ZNF503: variants seen among roughly 807,000 people sequenced by gnomAD.
ZNF503 encodes the protein zinc finger protein 503.
ZNF503 carries 15 observed loss-of-function variants against 34.4 expected under a neutral mutation model. The ratio of observed to expected loss-of-function variants is 0.44; its 90% CI spans 0.29 to 0.67. The LOEUF is 0.67. Among genes scored for constraint, ZNF503 ranks in the 30% least tolerant of loss-of-function variants. The probability of loss-of-function intolerance (pLI) is 0.13; values close to 1 mark genes in which losing one functional copy is unlikely to be tolerated. For synonymous variants in ZNF503, 580 were observed against 456.8 expected, an observed-to-expected ratio of 1.27 and a Z score of -3.44; for missense variants, 1,007 against 926.8, an observed-to-expected ratio of 1.09 and a Z score of -1.12.
Position 75,398,736 on chromosome 10 carries a change from C to T in ZNF503, c.*13G>A. 1 of 1,366,424 alleles carries T rather than the reference C, an allele frequency of 7.3e-7. No homozygotes were observed. The highest frequency in any genetic ancestry group is 2.8e-5 in the East Asian group (1 of 35,480). 84.6% of individuals were successfully genotyped at this position (1,366,424 alleles called of 1,614,324 possible). On this transcript the variant is annotated 3_prime_UTR_variant, in exon 2 of 2. Coordinates refer to ENST00000372524, the MANE Select transcript of ZNF503 (RefSeq NM_032772.6). ...CTCTCCCTCCTCTCCCTCGCTCGCC[C>T]TCCCGGCCGCCCTCACTGATACCCC...
At position 75,400,261 on chromosome 10, in the gene ZNF503, G is replaced by A. The variant is rs1315473731; in HGVS notation, c.429C>T (p.Gly143=). Residue 143 remains glycine, a synonymous_variant, in exon 2 of 2, where the codon GGC becomes GGT. Coordinates refer to ENST00000372524, the MANE Select transcript of ZNF503 (RefSeq NM_032772.6). ...CAGCACCGCCGCCGGCACCGCCCGC[G>A]CCGCCCCCGTTGGAGGCAACCGAGG... The part of the protein sequence containing the change: ...KLSSVASNGG[G]AGGAGGGAAG... 4 of 1,612,950 alleles carry A rather than the reference G, an allele frequency of 2.5e-6. No homozygotes were observed. Among genetic ancestry groups the A allele is most frequent in the East Asian group, 4.5e-5 (2 of 44,856 alleles).
Position 75,401,318 on chromosome 10 carries a change from G to A in ZNF503, c.102C>T (p.Ser34=), listed in dbSNP as rs528133474. The change falls in exon 1 of 2, where the codon AGC becomes AGT. Residue 34 remains serine, a synonymous_variant. Transcript: ENST00000372524. The stretch of plus-strand genomic sequence containing the variant: ...GGCCGGAGCTATTTCCAGAGAGCGC[G>A]CTGGTCCAGGCAGGGTCTGCACCGC... The part of the protein sequence containing the change: ...GGGGADPAWT[S]ALSGNSSGPG... 7.8e-6 allele frequency: 12 copies of A among 1,545,558 alleles called. No homozygotes were observed. Among genetic ancestry groups the A allele is most frequent in the Non-Finnish European group, 8.7e-6 (10 of 1,148,888 alleles).
At chr10:75,304,464 C>T in the ZNF503 span, among the ~76,000 whole-genome samples, 2 of 152,138 alleles carry the variant, frequency 1.3e-5, no homozygotes, top group East Asian at 3.8e-4. Context: ...TTTCTTCATT[C>T]TCTCTGTAAA....
chr10:75,299,597 T>C, the ZNF503 span, among the ~76,000 whole-genome samples: 2 of 152,206 alleles, frequency 1.3e-5, no homozygotes, highest in African/African-American at 2.4e-5. Flanking sequence ...TTCAGCCAGA[T>C]ATCGGGCAAA....
chr10:75,351,275 G>A, the ZNF503 span, among the ~76,000 whole-genome samples: 2 of 152,158 alleles, frequency 1.3e-5, no homozygotes, highest in African/African-American at 2.4e-5. Flanking sequence ...AGGTTCAAGC[G>A]ATTCTTGTGC....
the ZNF503 span, among the ~76,000 whole-genome samples, chr10:75,363,546 C>G: frequency 5.1e-4 from 77 of 152,202 alleles, no homozygotes; most frequent in African/African-American, 1.9e-3. Context: ...TCAGGACAGT[C>G]TCGCCCAGCA....
chr10:75,378,190 A>G, the ZNF503 span, among the ~76,000 whole-genome samples: 1 of 152,046 alleles, frequency 6.6e-6, no homozygotes, highest in Non-Finnish European at 1.5e-5. Context: ...ACATTTCAAC[A>G]TGAGATTTGG....
downstream of ZNF503, among the ~76,000 whole-genome samples, chr10:75,396,299 C>T (rs935265137): frequency 5.3e-5 from 8 of 152,204 alleles, no homozygotes; most frequent in African/African-American, 9.6e-5. This position sits in a 1 kb window ranked among gnomAD's most constrained non-coding sequence, Gnocchi z 4.4. Flanking sequence ...TCCTCCTCGG[C>T]GCCAGCTCCG....
chr10:75,290,815 C>T, the ZNF503 span, among the ~76,000 whole-genome samples: 1 of 152,184 alleles, frequency 6.6e-6, no homozygotes, highest in African/African-American at 2.4e-5. Context: ...GCCCAACATC[C>T]ATTCAATTTA....
chr10:75,306,699 T>C, the ZNF503 span, among the ~76,000 whole-genome samples: 25 of 152,368 alleles, frequency 1.6e-4, no homozygotes, highest in South Asian at 2.1e-3. Flanking sequence ...TGGCATGTGT[T>C]CATGTGCTCA....
the ZNF503 span, among the ~76,000 whole-genome samples, chr10:75,328,599 A>G: frequency 1.3e-5 from 2 of 151,764 alleles, no homozygotes; most frequent in African/African-American, 4.9e-5. Flanking sequence ...GCGGTTCCAT[A>G]CAAGTTTTAG....
chr10:75,401,020 C>G, intron 1 of ZNF503, 85 bp downstream of exon 1: 2 of 1,577,884 alleles, frequency 1.3e-6, no homozygotes, highest in East Asian at 2.3e-5. Flanking sequence ...ACCCCCCCAC[C>G]TCCGCCCAGA....
chr10:75,362,805 C>T, the ZNF503 span, among the ~76,000 whole-genome samples: 1 of 152,012 alleles, frequency 6.6e-6, no homozygotes, highest in African/African-American at 2.4e-5. Context: ...AGGCCCTGTG[C>T]GAGGGTGGGG....
chr10:75,321,005 G>C, the ZNF503 span, among the ~76,000 whole-genome samples: 1 of 152,118 alleles, frequency 6.6e-6, no homozygotes, highest in African/African-American at 2.4e-5. Flanking sequence ...GTGGGGCCTG[G>C]TGGGAGGCAA....
the ZNF503 span, among the ~76,000 whole-genome samples, chr10:75,364,387 T>G: frequency 2.6e-5 from 4 of 152,234 alleles, no homozygotes; most frequent in East Asian, 7.7e-4. Flanking sequence ...TTTTTTTTCC[T>G]TGATCATCTC....
the ZNF503 span, among the ~76,000 whole-genome samples, chr10:75,321,394 T>C: frequency 6.6e-6 from 1 of 152,092 alleles, no homozygotes; most frequent in African/African-American, 2.4e-5. Flanking sequence ...TACCTGAAAA[T>C]GTGGAAACAG....
Position 75,400,231 on chromosome 10 carries a change from G to C in ZNF503, c.459C>G (p.Gly153=), listed in dbSNP as rs1843773222. ...GAGGAGGGAA[G]DKDTKSGPLK... ...GGGGGCCCGATTTGGTGTCCTTGTCGCCCGCAGCACCGCCGCCGGCACCGC... is the reference window on the plus strand; with the variant it reads ...GGGGGCCCGATTTGGTGTCCTTGTCCCCCGCAGCACCGCCGCCGGCACCGC... Residue 153 remains glycine, a synonymous_variant, in exon 2 of 2, where the codon GGC becomes GGG. Transcript: ENST00000372524. The C allele has an allele frequency of 1.2e-6, 2 of 1,609,742 alleles. No individual in the cohort carries two copies. The highest frequency in any genetic ancestry group is 1.3e-5 in the African/African-American group (1 of 74,806).
At chr10:75,317,930 A>T in the ZNF503 span, among the ~76,000 whole-genome samples, 2 of 152,098 alleles carry the variant, frequency 1.3e-5, no homozygotes, top group Non-Finnish European at 2.9e-5. Flanking sequence ...CAAGAAGTGG[A>T]GGTTGCAGTG....
At chr10:75,305,682 A>T in the ZNF503 span, among the ~76,000 whole-genome samples, 2 of 152,134 alleles carry the variant, frequency 1.3e-5, no homozygotes, top group African/African-American at 4.8e-5. Context: ...CAGTCTCCCC[A>T]GCTGTTGACA....
Sources: allele counts gnomAD v4.1 joint callset (sites outside exome capture counted in the v4.1 genomes callset), GRCh38; gene constraint gnomAD v4.1.1; non-coding constraint Gnocchi (gnomAD v3.1); transcripts MANE v1.5; gene names NCBI Gene and HGNC (gene_info 2026-07-23, HGNC 2026-07-21).